Variants in ABCB11 observed in about 807,000 individuals in gnomAD.
ABCB11 encodes bile salt export pump.
A neutral mutation model predicts 148.0 loss-of-function variants in ABCB11; 95 were observed. The observed-to-expected ratio is 0.64, with a 90% CI of 0.54 to 0.76. The LOEUF (loss-of-function observed/expected upper bound fraction) is 0.76. Ranked by LOEUF, ABCB11 falls within the 30% of genes least tolerant of loss-of-function variation. The pLI, the probability that ABCB11 is intolerant of heterozygous loss-of-function variation, is 0.00. For missense variants in ABCB11, 1,523 were observed against 1,617.8 expected (o/e 0.94, Z 1.01); for synonymous variants, 591 against 555.4 (o/e 1.06, Z -0.90).
intron 5 of ABCB11, among the ~76,000 whole-genome samples, chr2:169,005,404 G>T (rs963112054): frequency 1.3e-5 from 2 of 152,114 alleles, no homozygotes; most frequent in African/African-American, 2.4e-5. Flanking sequence ...GTGGTTCTCA[G>T]TCCAATGGAG....
At chr2:168,930,595 T>A in intron 25 of ABCB11, 70 bp downstream of exon 25, 1 of 1,293,108 alleles carries the variant, frequency 7.7e-7, no homozygotes, top group Non-Finnish European at 1.0e-6. Flanking sequence ...AGCAAAAACT[T>A]GAAGCCCACT....
chr2:168,924,404 C>A (rs1023429926), intron 27 of ABCB11, among the ~76,000 whole-genome samples: 4 of 151,994 alleles, frequency 2.6e-5, no homozygotes, highest in African/African-American at 9.7e-5. Flanking sequence ...GATTATTTGC[C>A]TTTGGAAAAA....
chr2:168,954,027 A>AT (rs1341746474), intron 19 of ABCB11, among the ~76,000 whole-genome samples: 1 of 151,640 alleles, frequency 6.6e-6, no homozygotes, highest in Non-Finnish European at 1.5e-5. Context: ...CCTTGGGCAC[A>AT]TGTTGTCAGG....
chr2:168,963,579 A>G (rs1159605461), intron 18 of ABCB11, among the ~76,000 whole-genome samples: 1 of 151,746 alleles, frequency 6.6e-6, no homozygotes, highest in Non-Finnish European at 1.5e-5. Context: ...GTATTGCTAT[A>G]CATGTTGTTT....
intron 19 of ABCB11, among the ~76,000 whole-genome samples, chr2:168,952,706 G>A (rs73018717): frequency 0.019 from 1,547 of 83,238 alleles, 37 homozygotes; most frequent in African/African-American, 0.058. Context: ...TTTCTATTTT[G>A]TATAGTTCTG....
chr2:168,954,629 T>G (rs1692712872), intron 19 of ABCB11, among the ~76,000 whole-genome samples: 1 of 151,606 alleles, frequency 6.6e-6, no homozygotes, highest in South Asian at 2.1e-4. Flanking sequence ...GATGAGTAGA[T>G]GCTTTACTCT....
intron 5 of ABCB11, among the ~76,000 whole-genome samples, chr2:169,009,278 C>T (rs934454266): frequency 2.0e-5 from 3 of 151,988 alleles, no homozygotes; most frequent in Non-Finnish European, 4.4e-5. Flanking sequence ...TACATGCACA[C>T]GTATGTTTAT....
In ABCB11 at chr2:168,923,648, C is replaced by A; in HGVS notation, c.3940G>T (p.Val1314Phe). ...CAACTGATGGGGGATCCAGTGGTGA[C>A]TAGTTTGTAGTAGGCTCCTTTTTGG... Reference protein sequence around the residue: ...MAQKGAYYKLVTTGSPIS With the variant: ...MAQKGAYYKLFTTGSPIS Residue 1314 changes from valine (V) to phenylalanine (F), a missense_variant, in exon 28 of 28, where the codon GTC becomes TTC. Physicochemically the swap from Val to Phe is conservative, Grantham distance 50. Coordinates refer to ENST00000650372, the MANE Select transcript of ABCB11 (RefSeq NM_003742.4). 6.2e-7 allele frequency: 1 copy of A among 1,613,664 alleles called. No individual in the cohort carries two copies. Among genetic ancestry groups the A allele is most frequent in the Non-Finnish European group, 8.5e-7 (1 of 1,179,826 alleles).
chr2:169,017,978 T>G (rs1695415875), intron 2 of ABCB11, 72 bp downstream of exon 2: 1 of 1,325,142 alleles, frequency 7.5e-7, no homozygotes, highest in African/African-American at 1.4e-5. Context: ...TCCTTGAAAC[T>G]TGACCAGCTT....
At chr2:168,967,286 C>T (rs1693359948) in intron 17 of ABCB11, among the ~76,000 whole-genome samples, 1 of 151,772 alleles carries the variant, frequency 6.6e-6, no homozygotes, top group Admixed American at 6.6e-5. Flanking sequence ...TGTTATTTGC[C>T]AAATTCAGTA....
At chr2:168,942,400 C>A (rs1010867471) in intron 21 of ABCB11, among the ~76,000 whole-genome samples, 19 of 151,558 alleles carry the variant, frequency 1.3e-4, no homozygotes, top group African/African-American at 4.6e-4. Context: ...AAATAATTAA[C>A]ATCCAGAAAT....
At chr2:168,916,132 A>T (rs1690937149), downstream of ABCB11, among the ~76,000 whole-genome samples, 1 of 152,246 alleles carries the variant, frequency 6.6e-6, no homozygotes, top group African/African-American at 2.4e-5. Context: ...CTTTGATTCT[A>T]TACTTGAGAT....
At chr2:168,961,648 A>G (rs894868497) in intron 18 of ABCB11, among the ~76,000 whole-genome samples, 3 of 151,768 alleles carry the variant, frequency 2.0e-5, no homozygotes, top group African/African-American at 4.8e-5. Flanking sequence ...AATGTTGTCA[A>G]CATTGTAACT....
chr2:169,008,866 A>G (rs1220273484), intron 5 of ABCB11, among the ~76,000 whole-genome samples: 2 of 152,222 alleles, frequency 1.3e-5, no homozygotes, highest in Non-Finnish European at 2.9e-5. Context: ...ATTATTTGTA[A>G]TAGCTCAAAA....
chr2:168,967,330 T>C (rs932284072), intron 17 of ABCB11, among the ~76,000 whole-genome samples: 2 of 151,904 alleles, frequency 1.3e-5, no homozygotes, highest in Non-Finnish European at 2.9e-5. Flanking sequence ...TAAAATTTGT[T>C]TGAATAAACT....
chr2:168,972,008 A>G lies in ABCB11; in HGVS notation c.1477T>C (p.Trp493Arg). Residue 493 changes from tryptophan to arginine, a missense_variant, in exon 14 of 28, where the codon TGG becomes CGG. Transcript: ENST00000650372. ...ACTATCCCAATCTGATCTCTAAGCC[A>G]CTGAATGTTAAGAGAGCGAATGTCA... ...GHDIRSLNIQ[W>R]LRDQIGIVEQ... 6.2e-7 allele frequency: 1 copy of G among 1,612,906 alleles called. No individual in the cohort carries two copies. Among genetic ancestry groups the G allele is most frequent in the Non-Finnish European group, 8.5e-7 (1 of 1,179,320 alleles).
intron 1 of ABCB11, among the ~76,000 whole-genome samples, chr2:169,022,902 G>C (rs930772721): frequency 2.0e-5 from 3 of 151,822 alleles, no homozygotes; most frequent in Non-Finnish European, 4.4e-5. Context: ...AATGCAAAAA[G>C]TATTCAGTAA....
intron 5 of ABCB11, among the ~76,000 whole-genome samples, chr2:169,010,420 A>T (rs1695146040): frequency 6.6e-6 from 1 of 152,156 alleles, no homozygotes; most frequent in African/African-American, 2.4e-5. Context: ...GGAAGGCTTT[A>T]ACTTAAAAAT....
chr2:168,999,527 G>T (rs1293584891), intron 5 of ABCB11, among the ~76,000 whole-genome samples: 2 of 151,898 alleles, frequency 1.3e-5, no homozygotes, highest in Non-Finnish European at 2.9e-5. Context: ...CAACCAGTCT[G>T]TTTTCTTTTG....
Sources: gnomAD v4.1 joint callset for allele counts (sites outside exome capture counted in the v4.1 genomes callset) on GRCh38, gnomAD v4.1.1 for gene constraint, MANE v1.5 for transcripts, NCBI Gene and HGNC (gene_info 2026-07-23, HGNC 2026-07-21) for gene names.